Variants in NAALADL2 observed in about 807,000 individuals in gnomAD.
The protein encoded by NAALADL2 is inactive N-acetylated-alpha-linked acidic dipeptidase-like protein 2.
Under a neutral mutation model 87.2 loss-of-function variants are expected in NAALADL2, and 76 were observed. The observed-to-expected ratio is 0.87, with a 90% CI of 0.72 to 1.05. The LOEUF is 1.05. NAALADL2 is among the 50% of genes least tolerant of loss of function. The pLI, the probability that NAALADL2 is intolerant of heterozygous loss-of-function variation, is 0.00. For synonymous variants in NAALADL2, 354 were observed against 331.0 expected (o/e 1.07, Z -0.75); for missense variants, 1,089 against 945.8 (o/e 1.15, Z -1.99).
intron 2 of NAALADL2, among the ~76,000 whole-genome samples, chr3:175,206,546 G>A (rs1740950041): frequency 6.7e-6 from 1 of 150,070 alleles, no homozygotes; most frequent in Admixed American, 6.7e-5. Context: ...ATGGACTGTG[G>A]GGACTTGGTG....
intron 5 of NAALADL2, among the ~76,000 whole-genome samples, chr3:175,330,932 G>A (rs1761318171): frequency 6.6e-6 from 1 of 151,348 alleles, no homozygotes; most frequent in East Asian, 1.9e-4. Flanking sequence ...AGGAGTTAAG[G>A]CCCAAATAAA....
chr3:175,416,344 G>A (rs765873883), intron 5 of NAALADL2, among the ~76,000 whole-genome samples: 7 of 152,058 alleles, frequency 4.6e-5, no homozygotes, highest in Non-Finnish European at 8.8e-5. Flanking sequence ...ATAAAGGTAA[G>A]CACTAGTTTT....
intron 11 of NAALADL2, among the ~76,000 whole-genome samples, chr3:175,720,348 G>A (rs1275829484): frequency 1.3e-5 from 2 of 151,900 alleles, no homozygotes; most frequent in East Asian, 3.9e-4. Flanking sequence ...CATAATCAGT[G>A]AAATTAAAAA....
intron 1 of NAALADL2, among the ~76,000 whole-genome samples, chr3:174,878,554 T>C (rs1345913794): frequency 2.0e-5 from 3 of 152,142 alleles, no homozygotes. Context: ...TTTCTTATAT[T>C]GCTCTGCACC....
At chr3:174,572,276 T>A (rs938408912) in intron 2 of NAALADL2, among the ~76,000 whole-genome samples, 4 of 152,106 alleles carry the variant, frequency 2.6e-5, no homozygotes, top group Non-Finnish European at 2.9e-5. Context: ...AGGTGCATGC[T>A]GCCACACCTG....
intron 2 of NAALADL2, among the ~76,000 whole-genome samples, chr3:174,632,956 A>C (rs1722278343): frequency 1.4e-5 from 2 of 146,792 alleles, no homozygotes; most frequent in Non-Finnish European, 3.0e-5. Context: ...AAAAAAAAAA[A>C]AGGAAAAAAG....
intron 2 of NAALADL2, among the ~76,000 whole-genome samples, chr3:174,735,152 A>G (rs981601871): frequency 6.6e-6 from 1 of 152,376 alleles, no homozygotes; most frequent in East Asian, 1.9e-4. Flanking sequence ...CATAATTCAT[A>G]GCATTATTAC....
At chr3:175,252,967 A>G (rs184136626) in intron 3 of NAALADL2, among the ~76,000 whole-genome samples, 7 of 152,336 alleles carry the variant, frequency 4.6e-5, no homozygotes, top group African/African-American at 1.7e-4. Context: ...GAGGTTTAAG[A>G]AAAGAAGCTA....
At chr3:175,440,666 C>A (rs111477937) in intron 5 of NAALADL2, among the ~76,000 whole-genome samples, 3 of 152,044 alleles carry the variant, frequency 2.0e-5, no homozygotes, top group South Asian at 2.1e-4. Flanking sequence ...GGGTTGAGTT[C>A]TTGATTCGAT....
At chr3:175,365,234 G>T (rs185597568) in intron 5 of NAALADL2, among the ~76,000 whole-genome samples, 1 of 147,556 alleles carries the variant, frequency 6.8e-6, no homozygotes, top group Admixed American at 7.0e-5. Flanking sequence ...TATGGAGAAA[G>T]ATGAGTGTGT....
chr3:175,646,830 T>A (rs1322508542), intron 11 of NAALADL2, among the ~76,000 whole-genome samples: 2 of 152,034 alleles, frequency 1.3e-5, no homozygotes, highest in Non-Finnish European at 2.9e-5. Context: ...TTTCAGAAAA[T>A]CATAGCTCTG....
intron 1 of NAALADL2, among the ~76,000 whole-genome samples, chr3:174,444,628 T>C (rs1050735539): frequency 2.0e-5 from 3 of 152,164 alleles, no homozygotes; most frequent in Non-Finnish European, 2.9e-5. Context: ...GTTAGCAACA[T>C]TGAGTCTCAC....
intron 2 of NAALADL2, among the ~76,000 whole-genome samples, chr3:174,620,765 A>T (rs77681978): frequency 0.031 from 4,675 of 152,140 alleles, 246 homozygotes; most frequent in African/African-American, 0.11. Flanking sequence ...GCACATAAAT[A>T]CTTATGTATT....
chr3:175,289,724 G>T (rs1755417496), intron 4 of NAALADL2, among the ~76,000 whole-genome samples: 1 of 152,122 alleles, frequency 6.6e-6, no homozygotes, highest in African/African-American at 2.4e-5. Context: ...TACTCAGAAG[G>T]CTAAGGCAGG....
chr3:174,596,896 C>T (rs1717966071), intron 2 of NAALADL2, among the ~76,000 whole-genome samples: 1 of 152,076 alleles, frequency 6.6e-6, no homozygotes, highest in Admixed American at 6.5e-5. Context: ...AATTTGAATC[C>T]TGACTGTTTG....
At chr3:175,181,755 G>GTGTGCATATA (rs1736572779) in intron 2 of NAALADL2, among the ~76,000 whole-genome samples, 1 of 79,466 alleles carries the variant, frequency 1.3e-5, no homozygotes, top group Non-Finnish European at 2.8e-5. Flanking sequence ...GTATATATAT[G>GTGTGCATATA]TGTGTATATA....
At chr3:175,034,677 G>A (rs1753201453) in intron 1 of NAALADL2, among the ~76,000 whole-genome samples, 1 of 152,046 alleles carries the variant, frequency 6.6e-6, no homozygotes, top group Admixed American at 6.6e-5. Flanking sequence ...GATCCAAACT[G>A]CCGAGAATTC....
intron 9 of NAALADL2, among the ~76,000 whole-genome samples, chr3:175,564,635 G>A (rs972978880): frequency 7.9e-5 from 12 of 152,186 alleles, no homozygotes; most frequent in African/African-American, 2.9e-4. Flanking sequence ...GCATGGAACA[G>A]CATTGTGAGG....
chr3:175,172,174 G>A (rs970356085), intron 2 of NAALADL2, among the ~76,000 whole-genome samples: 7 of 151,978 alleles, frequency 4.6e-5, no homozygotes, highest in Admixed American at 6.6e-5. Context: ...CCACAAATAC[G>A]TGTAATGTTA....
Sources: gnomAD v4.1 joint callset for allele counts (sites outside exome capture counted in the v4.1 genomes callset) on GRCh38, gnomAD v4.1.1 for gene constraint, MANE v1.5 for transcripts, NCBI Gene and HGNC (gene_info 2026-07-23, HGNC 2026-07-21) for gene names.